TMEM44: variants seen among roughly 807,000 people sequenced by gnomAD.
TMEM44 encodes transmembrane protein 44.
A neutral mutation model predicts 47.8 loss-of-function variants in TMEM44; 43 were observed. The observed-to-expected ratio is 0.90, with a 90% confidence interval of 0.70 to 1.16. The LOEUF (loss-of-function observed/expected upper bound fraction) is 1.16. Among genes scored for constraint, TMEM44 ranks in the 50% most tolerant of loss-of-function variants. TMEM44 has a pLI of 0.00. For synonymous variants in TMEM44, 277 were observed against 238.8 expected (o/e 1.16, Z -1.48); for missense variants, 568 against 555.2 (o/e 1.02, Z -0.23).
At chr3:194,606,495 T>C (rs948782246) in intron 8 of TMEM44, among the ~76,000 whole-genome samples, 2 of 152,206 alleles carry the variant, frequency 1.3e-5, no homozygotes, top group Non-Finnish European at 2.9e-5. Context: ...AGAGAGCATA[T>C]TCTCTTCATA....
chr3:194,591,990 G>T (rs1161471856), intron 9 of TMEM44, among the ~76,000 whole-genome samples: 1 of 152,100 alleles, frequency 6.6e-6, no homozygotes, highest in Non-Finnish European at 1.5e-5. Context: ...AGGCCGAGGC[G>T]GGTGGATCAT....
At chr3:194,604,139 C>T in intron 9 of TMEM44, 148 bp downstream of exon 9, 1 of 1,031,636 alleles carries the variant, frequency 9.7e-7, no homozygotes, top group Non-Finnish European at 1.4e-6. Context: ...CAGGTGTGAG[C>T]CACCGCGCCT....
intron 9 of TMEM44, among the ~76,000 whole-genome samples, chr3:194,603,751 G>A (rs1409700979): frequency 6.6e-6 from 1 of 152,164 alleles, no homozygotes; most frequent in Non-Finnish European, 1.5e-5. Flanking sequence ...TCAAGTGATC[G>A]GTGAAGACCG....
At chr3:194,621,015 ACT>A (rs1273333520) in intron 5 of TMEM44, among the ~76,000 whole-genome samples, 27 of 131,462 alleles carry the variant, frequency 2.1e-4, no homozygotes, top group African/African-American at 7.5e-4. Context: ...ACAGAGCGAG[ACT>A]CTGTCTCAAA....
At chr3:194,619,981 A>T (rs1393024012) in intron 5 of TMEM44, among the ~76,000 whole-genome samples, 1 of 151,984 alleles carries the variant, frequency 6.6e-6, no homozygotes, top group Admixed American at 6.6e-5. Flanking sequence ...TCTTACCCTG[A>T]AGTTCTTCCT....
Position 194,594,153 on chromosome 3 carries a change from A to ATCTATCTATCTGTCTGTCTGTCTG in TMEM44, c.1177-5515_1177-5514insCAGACAGACAGACAGATAGATAGA, listed in dbSNP as rs1553824444. Among the ~76,000 whole-genome samples the ATCTATCTATCTGTCTGTCTGTCTG allele has an allele frequency of 7.7e-3, 1,142 of 148,386 alleles. 14 individuals are homozygous for ATCTATCTATCTGTCTGTCTGTCTG. The highest frequency in any genetic ancestry group is 0.012 in the Non-Finnish European group (821 of 66,880). ...TATCTATCTATCTATCTATCTATCTATCTATCTATCTATATCTATCTATCT... is the reference window on the plus strand; with the variant it reads ...TATCTATCTATCTATCTATCTATCTATCTATCTATCTGTCTGTCTGTCTGTCTATCTATCTATATCTATCTATCT... On this transcript the variant is annotated intron_variant, in intron 9 of 9. Transcript: ENST00000347147.
intron 7 of TMEM44, 73 bp downstream of exon 7, chr3:194,615,496 C>T: frequency 6.4e-7 from 1 of 1,573,956 alleles, no homozygotes; most frequent in Admixed American, 1.8e-5. Flanking sequence ...TCCGCAGTAT[C>T]CTGCTGTTTC....
chr3:194,589,048 A>G lies in TMEM44; in HGVS notation c.1177-409T>C, dbSNP rs148494415. 1,129 of 213,964 alleles carry G rather than the reference A, an allele frequency of 5.3e-3. 15 individuals are homozygous for G. Among genetic ancestry groups the G allele is most frequent in the African/African-American group, 0.025 (1,052 of 42,816 alleles). 13.3% of individuals were successfully genotyped at this position (213,964 alleles called of 1,614,324 possible). A position where few individuals can be genotyped will look rare whatever the true frequency, so the allele number is the denominator to read the frequency against. On this transcript the variant is annotated intron_variant, in intron 9 of 9. Transcript: ENST00000347147. ...AGGGTCTTGCGGTGTCACCCAGGCT[A>G]GAGTACAGTGGTGCAATCATAGCTC...
intron 9 of TMEM44, among the ~76,000 whole-genome samples, chr3:194,593,498 G>A (rs764975023): frequency 1.1e-4 from 17 of 152,024 alleles, no homozygotes; most frequent in Non-Finnish European, 2.1e-4. Flanking sequence ...TGGGGTATTT[G>A]CTACCAGCCA....
intron 9 of TMEM44, chr3:194,590,049 A>G (rs1712441457): frequency 6.6e-6 from 1 of 152,258 alleles, no homozygotes; most frequent in Non-Finnish European, 1.5e-5. Context: ...TAATAGACCC[A>G]GGCATGGACA....
At chr3:194,612,452 T>G (rs1043525802) in intron 7 of TMEM44, among the ~76,000 whole-genome samples, 12 of 152,170 alleles carry the variant, frequency 7.9e-5, no homozygotes, top group Admixed American at 6.5e-4. Flanking sequence ...TTAAGCCATT[T>G]GGAGAACATT....
chr3:194,617,339 C>A, intron 5 of TMEM44, 70 bp from the exon 6 acceptor site: 6 of 1,444,700 alleles, frequency 4.2e-6, no homozygotes, highest in Non-Finnish European at 5.5e-6. Context: ...CTCAGTGGCA[C>A]AGCAGGTTGC....
At chr3:194,617,635 C>T (rs1304612362) in intron 5 of TMEM44, 1 of 703,658 alleles carries the variant, frequency 1.4e-6, no homozygotes, top group Non-Finnish European at 2.6e-6. Flanking sequence ...GGGGTCCTCA[C>T]CATCTCAGTG....
intron 9 of TMEM44, among the ~76,000 whole-genome samples, chr3:194,604,002 C>T (rs2410961): frequency 0.13 from 19,328 of 151,630 alleles, 2,774 homozygotes; most frequent in African/African-American, 0.36. Context: ...AACAGGTGGC[C>T]GCCACTACAC....
chr3:194,625,044 C>T (rs1210696675), intron 3 of TMEM44, among the ~76,000 whole-genome samples: 1 of 152,086 alleles, frequency 6.6e-6, no homozygotes, highest in African/African-American at 2.4e-5. Flanking sequence ...TGAACAAGGG[C>T]CCAAGCACAT....
chr3:194,604,550 T>C (rs1347642159), intron 8 of TMEM44, 105 bp from the exon 9 acceptor site: 2 of 1,386,308 alleles, frequency 1.4e-6, no homozygotes, highest in East Asian at 5.2e-5. Context: ...TACAAAAGGG[T>C]GTGCAGGGCA....
intron 8 of TMEM44, among the ~76,000 whole-genome samples, chr3:194,608,543 G>T (rs789855): frequency 0.9 from 136,319 of 152,202 alleles, 61,111 homozygotes; most frequent in South Asian, 0.94. Context: ...TAAAATAGAG[G>T]AGAAGGACAG....
chr3:194,626,753 G>A (rs1185426595), intron 2 of TMEM44, among the ~76,000 whole-genome samples: 3 of 147,908 alleles, frequency 2.0e-5, no homozygotes, highest in Non-Finnish European at 4.4e-5. Flanking sequence ...GCGTGATCTC[G>A]GCTCACTGCA....
At chr3:194,619,515 A>C (rs966394511) in intron 5 of TMEM44, among the ~76,000 whole-genome samples, 2 of 152,198 alleles carry the variant, frequency 1.3e-5, no homozygotes, top group Admixed American at 6.5e-5. Flanking sequence ...TCCTGGTGTC[A>C]GCACAACGCT....
Sources: gnomAD v4.1 joint callset for allele counts (sites outside exome capture counted in the v4.1 genomes callset) on GRCh38, gnomAD v4.1.1 for gene constraint, MANE v1.5 for transcripts, NCBI Gene and HGNC (gene_info 2026-07-23, HGNC 2026-07-21) for gene names.